NEDD4L: variants seen among roughly 807,000 people sequenced by gnomAD.
NEDD4L encodes the protein NEDD4 like E3 ubiquitin protein ligase.
NEDD4L carries 54 observed loss-of-function variants against 148.9 expected under a neutral mutation model. The ratio of observed to expected loss-of-function variants is 0.36; its 90% CI spans 0.29 to 0.45. NEDD4L has a LOEUF of 0.45. NEDD4L is among the 20% of genes least tolerant of loss of function. NEDD4L has a pLI of 1.00. For missense variants in NEDD4L, 856 were observed against 1,233.8 expected (o/e 0.69, Z 4.59); for synonymous variants, 433 against 440.7 (o/e 0.98, Z 0.22).
intron 2 of NEDD4L, among the ~76,000 whole-genome samples, chr18:58,171,581 T>C (rs956337956): frequency 1.3e-5 from 2 of 152,272 alleles, no homozygotes; most frequent in Non-Finnish European, 2.9e-5. Flanking sequence ...TATTGGTGTT[T>C]GCAGGTCCAG....
At chr18:58,232,955 G>A (rs1032310258) in intron 2 of NEDD4L, among the ~76,000 whole-genome samples, 57 of 152,290 alleles carry the variant, frequency 3.7e-4, no homozygotes, top group African/African-American at 1.3e-3. Context: ...CATATTTTAA[G>A]CGTTCTTAGG....
At chr18:58,331,748 T>TA (rs1242193908) in intron 11 of NEDD4L, among the ~76,000 whole-genome samples, 1 of 151,030 alleles carries the variant, frequency 6.6e-6, no homozygotes, top group African/African-American at 2.4e-5. Context: ...AATGGCATCC[T>TA]AAAAAAAAAT....
intron 1 of NEDD4L, among the ~76,000 whole-genome samples, chr18:58,126,519 T>A (rs1311685322): frequency 6.6e-6 from 1 of 152,244 alleles, no homozygotes; most frequent in East Asian, 1.9e-4. Flanking sequence ...CACCTGTTTT[T>A]TTAAAAAGTC....
chr18:58,206,631 GAGATCTGGCAACAGAACTTA>G (rs1413135073), intron 2 of NEDD4L, among the ~76,000 whole-genome samples: 1 of 152,172 alleles, frequency 6.6e-6, no homozygotes, highest in African/African-American at 2.4e-5. Flanking sequence ...CGTATGCATA[GAGATCTGGCAACAGAACTTA>G]AGATATGTGG....
At chr18:58,193,594 G>A (rs144272434) in intron 2 of NEDD4L, among the ~76,000 whole-genome samples, 3 of 152,144 alleles carry the variant, frequency 2.0e-5, no homozygotes, top group Middle Eastern at 3.4e-3. Flanking sequence ...CTTTTTCCAC[G>A]GCCTTCACGT....
At chr18:58,286,925 C>T (rs2053987972) in intron 5 of NEDD4L, among the ~76,000 whole-genome samples, 1 of 152,080 alleles carries the variant, frequency 6.6e-6, no homozygotes, top group South Asian at 2.1e-4. Flanking sequence ...TCCCAGAAGG[C>T]CAAGGATATA....
chr18:58,062,170 T>G (rs1379841267), intron 1 of NEDD4L, among the ~76,000 whole-genome samples: 1 of 152,236 alleles, frequency 6.6e-6, no homozygotes, highest in Admixed American at 6.5e-5. Flanking sequence ...TTTCTCTTTG[T>G]AAAAAGAAGT....
At chr18:58,058,030 G>A (rs1786732974) in intron 1 of NEDD4L, among the ~76,000 whole-genome samples, 2 of 152,192 alleles carry the variant, frequency 1.3e-5, no homozygotes, top group East Asian at 1.9e-4. Flanking sequence ...TGGTAAGGCC[G>A]GCCGCGGTGG....
intron 5 of NEDD4L, among the ~76,000 whole-genome samples, chr18:58,272,049 T>C (rs2051115386): frequency 6.6e-6 from 1 of 152,220 alleles, no homozygotes; most frequent in Non-Finnish European, 1.5e-5. Flanking sequence ...ATTCAAAATT[T>C]ATGAAAAATA....
chr18:58,367,710 G>A, intron 21 of NEDD4L, 36 bp from the exon 22 acceptor site: 1 of 1,610,812 alleles, frequency 6.2e-7, no homozygotes. Flanking sequence ...GCATTTGAAA[G>A]TGTGATTGGG....
chr18:58,088,190 A>G (rs2083866793), intron 1 of NEDD4L, among the ~76,000 whole-genome samples: 1 of 152,228 alleles, frequency 6.6e-6, no homozygotes, highest in Non-Finnish European at 1.5e-5. Context: ...GACCAGGGGA[A>G]AGCTGCAGTG....
At chr18:58,354,926 T>A (rs112362756) in intron 18 of NEDD4L, among the ~76,000 whole-genome samples, 2 of 151,986 alleles carry the variant, frequency 1.3e-5, no homozygotes, top group South Asian at 4.2e-4. Context: ...CTAGGATGCG[T>A]GGAGGTGTGT....
intron 5 of NEDD4L, among the ~76,000 whole-genome samples, chr18:58,273,915 T>C (rs2051453565): frequency 6.6e-6 from 1 of 152,158 alleles, no homozygotes; most frequent in Non-Finnish European, 1.5e-5. Context: ...CATGGATCCT[T>C]TTTATCCCTC....
intron 4 of NEDD4L, among the ~76,000 whole-genome samples, chr18:58,249,663 T>A (rs370941757): frequency 7.9e-5 from 12 of 152,242 alleles, no homozygotes; most frequent in East Asian, 3.8e-4. Context: ...TATTAAAAAC[T>A]GCTTACCTCC....
intron 5 of NEDD4L, among the ~76,000 whole-genome samples, chr18:58,313,347 G>A (rs11664507): frequency 0.093 from 14,153 of 152,160 alleles, 710 homozygotes; most frequent in Middle Eastern, 0.15. Flanking sequence ...CAGGGAATTC[G>A]GTAAACTGTA....
chr18:58,376,873 A>G (rs1432898477), intron 24 of NEDD4L, among the ~76,000 whole-genome samples: 1 of 152,146 alleles, frequency 6.6e-6, no homozygotes, highest in Non-Finnish European at 1.5e-5. Flanking sequence ...TGTCCAACAC[A>G]AGCCCCTTCC....
At chr18:58,214,646 TTG>T (rs1373828797) in intron 2 of NEDD4L, among the ~76,000 whole-genome samples, 4 of 144,046 alleles carry the variant, frequency 2.8e-5, no homozygotes, top group Non-Finnish European at 4.5e-5. Context: ...TGTGTGTGTT[TTG>T]TTGTTGTTGT....
chr18:58,308,256 A>T (rs1399420278), intron 5 of NEDD4L, among the ~76,000 whole-genome samples: 1 of 152,234 alleles, frequency 6.6e-6, no homozygotes, highest in Non-Finnish European at 1.5e-5. Context: ...TAGTTTATTC[A>T]GCAGATACAT....
At chr18:58,073,732 A>G (rs79478302) in intron 1 of NEDD4L, among the ~76,000 whole-genome samples, 3,669 of 152,218 alleles carry the variant, frequency 0.024, 155 homozygotes, top group African/African-American at 0.084. Flanking sequence ...GGTAGTGGGT[A>G]TAGAGTTTCC....
Sources: gnomAD v4.1 joint callset for allele counts (sites outside exome capture counted in the v4.1 genomes callset) on GRCh38, gnomAD v4.1.1 for gene constraint, MANE v1.5 for transcripts, NCBI Gene and HGNC (gene_info 2026-07-23, HGNC 2026-07-21) for gene names.